The following MXI1 variants were observed in gnomAD, a reference collection of about 807,000 sequenced individuals.
MXI1 encodes the protein max-interacting protein 1.
In MXI1, 18 loss-of-function variants were observed where a neutral mutation model predicts 36.9. The ratio of observed to expected loss-of-function variants is 0.49; its 90% CI spans 0.34 to 0.72. The LOEUF (loss-of-function observed/expected upper bound fraction) is 0.72, where lower values mean the gene tolerates loss of function less well. Ranked by LOEUF, MXI1 falls within the 30% of genes least tolerant of loss-of-function variation. MXI1 has a pLI of 0.01. For missense variants in MXI1, 304 were observed against 379.1 expected (o/e 0.80, Z 1.64); for synonymous variants, 160 against 146.7 (o/e 1.09, Z -0.65).
chr10:110,210,364 C>G, intron 1 of MXI1: 3 of 859,046 alleles, frequency 3.5e-6, no homozygotes, highest in Non-Finnish European at 4.2e-6. Flanking sequence ...CCGGCCGGCT[C>G]CCGGCGGGAG....
At position 110,265,962 on chromosome 10, in the gene MXI1, A is replaced by C. The variant is rs532254014; in HGVS notation, c.438-13218A>C. ...TATAGTTGTCACTTACTCTGGGGTGAAAGTGAACTTGCAGCTTTTCAGCAT... is the reference window on the plus strand; with the variant it reads ...TATAGTTGTCACTTACTCTGGGGTGCAAGTGAACTTGCAGCTTTTCAGCAT... On this transcript the variant is annotated intron_variant, in intron 3 of 5. Coordinates refer to ENST00000332674, the MANE Select transcript of MXI1 (RefSeq NM_130439.3). Among the ~76,000 whole-genome samples the C allele has an allele frequency of 2.2e-4, 33 of 152,304 alleles. 1 individual carries two copies. The South Asian group carries it at 6.0e-3, about 28-fold the overall frequency.
chr10:110,254,017 T>A (rs1856193713), intron 3 of MXI1, among the ~76,000 whole-genome samples: 2 of 151,458 alleles, frequency 1.3e-5, no homozygotes, highest in South Asian at 2.1e-4. Flanking sequence ...AAAAAAAAAA[T>A]AAAAGGCATC....
Position 110,207,852 on chromosome 10 carries a change from G to A in MXI1, c.44G>A (p.Gly15Asp). 8.6e-7 allele frequency: 1 copy of A among 1,158,104 alleles called. No homozygotes were observed. Among genetic ancestry groups the A allele is most frequent in the Non-Finnish European group, 1.1e-6 (1 of 941,040 alleles). The allele number at this position is 1,158,104 out of a possible 1,614,324, so 71.7% of individuals were successfully genotyped here. ...GRPRKEARCEGAGLAPAAPPA... is the reference protein window; with the variant it reads ...GRPRKEARCEDAGLAPAAPPA... ...CCGCGCAAGGAGGCGCGCTGCGAGG[G>A]CGCGGGGCTGGCCCCCGCCGCGCCC... Residue 15 changes from glycine (G) to aspartate (D), a missense_variant, in exon 1 of 6, where the codon GGC (glycine) becomes GAC (aspartate). This residue lies in a region of MXI1 where 179 missense variants were observed against 184.8 expected (regional missense o/e 0.97). Coordinates refer to ENST00000332674, the MANE Select transcript of MXI1 (RefSeq NM_130439.3).
chr10:110,270,773 C>CT (rs1856828544), intron 3 of MXI1, among the ~76,000 whole-genome samples: 1 of 151,988 alleles, frequency 6.6e-6, no homozygotes, highest in African/African-American at 2.4e-5. Flanking sequence ...AGCTGCAGTT[C>CT]TTAAACCCTT....
intron 1 of MXI1, among the ~76,000 whole-genome samples, chr10:110,222,628 G>T (rs1039940096): frequency 7.2e-5 from 11 of 152,308 alleles, no homozygotes; most frequent in East Asian, 3.9e-4. Context: ...TTGAGAGAGA[G>T]ATATACTTTA....
chr10:110,284,696 TCCAGA>T, intron 5 of MXI1, 123 bp from the exon 6 acceptor site: 1 of 900,938 alleles, frequency 1.1e-6, no homozygotes, highest in Middle Eastern at 3.4e-4. Flanking sequence ...TCCTCTGTTC[TCCAGA>T]CATCACTGAT....
At chr10:110,228,926 T>A (rs1855160565) in intron 2 of MXI1, among the ~76,000 whole-genome samples, 1 of 152,204 alleles carries the variant, frequency 6.6e-6, no homozygotes, top group Non-Finnish European at 1.5e-5. Flanking sequence ...CTTGTCTAGA[T>A]GTACTTGGAA....
At chr10:110,260,933 A>G (rs965995186) in intron 3 of MXI1, 4 of 912,912 alleles carry the variant, frequency 4.4e-6, no homozygotes, top group Non-Finnish European at 3.9e-6. Context: ...ACAAGTTTAT[A>G]TTTGCTCAGG....
intron 1 of MXI1, 87 bp downstream of exon 1, chr10:110,208,169 TC>T (rs545792458): frequency 4.1e-3 from 4,928 of 1,212,176 alleles, no homozygotes; most frequent in East Asian, 6.1e-3. Context: ...GCTCGGCCCG[TC>T]CCCCCCCCGC....
chr10:110,255,000 A>G (rs926593480), intron 3 of MXI1, among the ~76,000 whole-genome samples: 1 of 152,228 alleles, frequency 6.6e-6, no homozygotes, highest in Non-Finnish European at 1.5e-5. Context: ...ACCATCATCT[A>G]TTGGAAGAAG....
chr10:110,223,342 G>A (rs1455170235), intron 1 of MXI1, among the ~76,000 whole-genome samples: 1 of 152,182 alleles, frequency 6.6e-6, no homozygotes, highest in Non-Finnish European at 1.5e-5. Flanking sequence ...GGGACACTTT[G>A]GGAGGCTGAG....
chr10:110,249,485 A>G (rs572688674), intron 3 of MXI1, among the ~76,000 whole-genome samples: 4 of 151,856 alleles, frequency 2.6e-5, no homozygotes. Flanking sequence ...AGGCTGAGGC[A>G]CAAGAATTGC....
chr10:110,244,123 G>A (rs146120301), intron 2 of MXI1, among the ~76,000 whole-genome samples: 1 of 152,168 alleles, frequency 6.6e-6, no homozygotes, highest in African/African-American at 2.4e-5. Flanking sequence ...CCCAGATGCT[G>A]TGCTTGTTCA....
At chr10:110,258,874 C>G (rs1010575917) in intron 3 of MXI1, among the ~76,000 whole-genome samples, 1 of 152,076 alleles carries the variant, frequency 6.6e-6, no homozygotes, top group African/African-American at 2.4e-5. Context: ...TTTCTTCTCC[C>G]TGACCTAGGT....
intron 3 of MXI1, among the ~76,000 whole-genome samples, chr10:110,252,199 ACTT>A (rs1856117623): frequency 6.6e-6 from 1 of 152,008 alleles, no homozygotes; most frequent in African/African-American, 2.4e-5. Flanking sequence ...AATTGGTACT[ACTT>A]ATTTCTTCAC....
rs144605687 is a variant in MXI1 at position 110,232,805 on chromosome 10, A to G, written c.407+4484A>G. The stretch of plus-strand genomic sequence containing the variant: ...CTCTGATTACTTTGTGTTCCAAGGG[A>G]TGTTAATGATACATTTGGAAAAACA... On this transcript the variant is annotated intron_variant, in intron 2 of 5. Coordinates refer to ENST00000332674, the MANE Select transcript of MXI1 (RefSeq NM_130439.3). Among the ~76,000 whole-genome samples the G allele has an allele frequency of 3.6e-3, 553 of 152,356 alleles. 2 individuals are homozygous for G. Among genetic ancestry groups the G allele is most frequent in the African/African-American group, 0.013 (523 of 41,574 alleles).
intron 5 of MXI1, among the ~76,000 whole-genome samples, chr10:110,282,159 C>T (rs139416709): frequency 6.6e-6 from 1 of 152,248 alleles, no homozygotes; most frequent in East Asian, 1.9e-4. Context: ...CCAGAAGTAA[C>T]AAGTTTTGGT....
chr10:110,223,598 A>T (rs892947885), intron 1 of MXI1, among the ~76,000 whole-genome samples: 5 of 151,898 alleles, frequency 3.3e-5, no homozygotes, highest in South Asian at 4.2e-4. Context: ...AATAAATAAA[A>T]AATAAATAAA....
Position 110,279,160 on chromosome 10 carries a change from T to A in MXI1, c.438-20T>A, listed in dbSNP as rs1234671820. 6.4e-7 allele frequency: 1 copy of A among 1,572,366 alleles called. No individual in the cohort carries two copies. The highest frequency in any genetic ancestry group is 8.7e-7 in the Non-Finnish European group (1 of 1,143,214). On this transcript the variant is annotated intron_variant, in intron 3 of 5. Transcript: ENST00000332674. ...GTGAAATAACCAGACTGTGCTGATT[T>A]GACTTTTTGTCTTTCTTAGACGAGC...
Sources: allele counts gnomAD v4.1 joint callset (sites outside exome capture counted in the v4.1 genomes callset), GRCh38; gene constraint gnomAD v4.1.1; regional missense constraint gnomAD v4.1.1; transcripts MANE v1.5; gene names NCBI Gene and HGNC (gene_info 2026-07-23, HGNC 2026-07-21).